Variants in SLC14A2 observed in about 807,000 individuals in gnomAD.
SLC14A2 encodes solute carrier family 14 member 2, also known as urea transporter 2.
In SLC14A2, 91 loss-of-function variants were observed where a neutral mutation model predicts 104.6. The ratio of observed to expected loss-of-function variants is 0.87; its 90% CI spans 0.73 to 1.04. The LOEUF is 1.04. Among genes scored for constraint, SLC14A2 ranks in the 50% least tolerant of loss-of-function variants. The probability of loss-of-function intolerance (pLI) is 0.00; values close to 1 mark genes in which losing one functional copy is unlikely to be tolerated. For missense variants in SLC14A2, 1,189 were observed against 1,156.0 expected (o/e 1.03, Z -0.41); for synonymous variants, 476 against 466.4 (o/e 1.02, Z -0.27).
At chr18:45,641,781 C>A (rs185571253) in intron 8 of SLC14A2, among the ~76,000 whole-genome samples, 1 of 152,160 alleles carries the variant, frequency 6.6e-6, no homozygotes, top group Non-Finnish European at 1.5e-5. Context: ...AAGGCTGCAG[C>A]GTCCACAAAG....
intron 1 of SLC14A2, chr18:45,483,034 T>C (rs1463668094): frequency 1.3e-5 from 2 of 152,232 alleles, no homozygotes; most frequent in East Asian, 3.8e-4. Context: ...TCTTTAAGTG[T>C]TCCTGGGTTA....
chr18:45,644,563 G>T (rs1043600224), intron 10 of SLC14A2, among the ~76,000 whole-genome samples: 8 of 152,236 alleles, frequency 5.3e-5, no homozygotes, highest in Middle Eastern at 3.4e-3. Context: ...CACAGAGTAG[G>T]GGGGTAAGTC....
At chr18:45,504,224 T>C (rs1177030513) in intron 2 of SLC14A2, among the ~76,000 whole-genome samples, 3 of 152,182 alleles carry the variant, frequency 2.0e-5, no homozygotes, top group Non-Finnish European at 2.9e-5. Flanking sequence ...CAAACAATAC[T>C]TTGAGGCAGC....
chr18:45,567,504 G>A (rs1182561329), intron 2 of SLC14A2, among the ~76,000 whole-genome samples: 1 of 152,204 alleles, frequency 6.6e-6, no homozygotes, highest in African/African-American at 2.4e-5. Context: ...CAATACCTAG[G>A]ATATCTTAAA....
At chr18:45,344,297 T>C (rs1028227674) in intron 1 of SLC14A2, among the ~76,000 whole-genome samples, 3 of 152,126 alleles carry the variant, frequency 2.0e-5, no homozygotes, top group Non-Finnish European at 4.4e-5. Context: ...CTACCTGAAG[T>C]TCTCTAAGAC....
At chr18:45,352,203 G>A (rs1292352911) in intron 1 of SLC14A2, among the ~76,000 whole-genome samples, 2 of 152,096 alleles carry the variant, frequency 1.3e-5, no homozygotes, top group African/African-American at 4.8e-5. Context: ...TCAAAGAAAA[G>A]GCAAACACTG....
chr18:45,643,875 T>G, intron 9 of SLC14A2, 111 bp from the exon 10 acceptor site: 2 of 925,252 alleles, frequency 2.2e-6, no homozygotes, highest in Non-Finnish European at 3.4e-6. Context: ...ATGCCTTCAC[T>G]GGAGGGAGGA....
chr18:45,423,678 T>A (rs8097758), intron 1 of SLC14A2: 1 of 152,136 alleles, frequency 6.6e-6, no homozygotes, highest in African/African-American at 2.4e-5. Context: ...AAAATCTTTT[T>A]AAAAAAATAA....
intron 1 of SLC14A2, among the ~76,000 whole-genome samples, chr18:45,335,561 A>G (rs147874432): frequency 0.015 from 2,339 of 152,354 alleles, 40 homozygotes; most frequent in Non-Finnish European, 0.025. Flanking sequence ...ATAGATGTCA[A>G]TAAAGATGGC....
At chr18:45,382,504 T>C (rs191872446) in intron 1 of SLC14A2, among the ~76,000 whole-genome samples, 1 of 152,354 alleles carries the variant, frequency 6.6e-6, no homozygotes, top group African/African-American at 2.4e-5. Flanking sequence ...GCCACCAGGT[T>C]ATGTCTCTCT....
At chr18:45,602,335 C>A (rs912816391) in intron 2 of SLC14A2, among the ~76,000 whole-genome samples, 4 of 152,186 alleles carry the variant, frequency 2.6e-5, no homozygotes, top group Non-Finnish European at 2.9e-5. Flanking sequence ...GATTGGATAT[C>A]TGCCCTGGAG....
At chr18:45,205,021 G>C in the SLC14A2 span, among the ~76,000 whole-genome samples, 2 of 152,296 alleles carry the variant, frequency 1.3e-5, no homozygotes, top group Middle Eastern at 3.4e-3. Flanking sequence ...CATAGGAAAT[G>C]TAAGTATTAA....
chr18:45,460,671 T>A (rs1407294867), intron 1 of SLC14A2, among the ~76,000 whole-genome samples: 1 of 152,236 alleles, frequency 6.6e-6, no homozygotes, highest in African/African-American at 2.4e-5. Context: ...ATGAGTTCTG[T>A]ACTATTAATT....
chr18:45,458,107 C>G (rs1275640026), intron 1 of SLC14A2, among the ~76,000 whole-genome samples: 1 of 152,314 alleles, frequency 6.6e-6, no homozygotes, highest in African/African-American at 2.4e-5. Context: ...CAGGCCTCAT[C>G]CCTGAAGGGA....
At chr18:45,411,048 G>A (rs538256960) in intron 1 of SLC14A2, among the ~76,000 whole-genome samples, 3 of 152,164 alleles carry the variant, frequency 2.0e-5, no homozygotes, top group African/African-American at 7.2e-5. Flanking sequence ...GCAAGATTAT[G>A]TATTGATTGG....
intron 1 of SLC14A2, among the ~76,000 whole-genome samples, chr18:45,257,835 C>T (rs905655684): frequency 3.9e-5 from 6 of 152,134 alleles, no homozygotes; most frequent in Non-Finnish European, 5.9e-5. Context: ...AGTTTCAAAA[C>T]GTATGTGCAT....
chr18:45,307,143 G>C (rs969519246), intron 1 of SLC14A2, among the ~76,000 whole-genome samples: 1 of 152,082 alleles, frequency 6.6e-6, no homozygotes, highest in Non-Finnish European at 1.5e-5. Flanking sequence ...TTGGCCGGGC[G>C]TGGTGGCTCA....
chr18:45,399,540 G>T (rs1267727530), intron 1 of SLC14A2, among the ~76,000 whole-genome samples: 1 of 152,132 alleles, frequency 6.6e-6, no homozygotes, highest in Non-Finnish European at 1.5e-5. Flanking sequence ...ATGCTACTTT[G>T]CTTGCCTTCT....
chr18:45,237,191 C>T (rs1236001651), intron 1 of SLC14A2, among the ~76,000 whole-genome samples: 2 of 152,124 alleles, frequency 1.3e-5, no homozygotes, highest in African/African-American at 2.4e-5. Context: ...CGCCAATAAA[C>T]ACATGAGGGC....
Sources: gnomAD v4.1 joint callset for allele counts (sites outside exome capture counted in the v4.1 genomes callset) on GRCh38, gnomAD v4.1.1 for gene constraint, MANE v1.5 for transcripts, NCBI Gene and HGNC (gene_info 2026-07-23, HGNC 2026-07-21) for gene names.